The following CLEC16A variants were observed in gnomAD, a reference collection of about 807,000 sequenced individuals.
The protein encoded by CLEC16A is protein CLEC16A.
A neutral mutation model predicts 109.5 loss-of-function variants in CLEC16A; 51 were observed. The ratio of observed to expected loss-of-function variants is 0.47; its 90% confidence interval spans 0.37 to 0.59. The LOEUF is 0.59. Among genes scored for constraint, CLEC16A ranks in the 20% least tolerant of loss-of-function variants. CLEC16A has a pLI of 0.00. For synonymous variants in CLEC16A, 673 were observed against 564.2 expected, an observed-to-expected ratio of 1.19 and a Z score of -2.73; for missense variants, 1,339 against 1,394.0, an observed-to-expected ratio of 0.96 and a Z score of 0.63.
At chr16:10,999,837 CTTAT>C (rs1166964706) in intron 10 of CLEC16A, among the ~76,000 whole-genome samples, 1 of 151,916 alleles carries the variant, frequency 6.6e-6, no homozygotes, top group Non-Finnish European at 1.5e-5. Context: ...AACTTTATTA[CTTAT>C]TTATTTATTT....
intron 19 of CLEC16A, among the ~76,000 whole-genome samples, chr16:11,081,995 G>A (rs1165387692): frequency 6.6e-6 from 1 of 152,162 alleles, no homozygotes; most frequent in African/African-American, 2.4e-5. Flanking sequence ...TGGCACTACT[G>A]CACTCCAGCC....
At chr16:11,024,604 CTG>C (rs1212961826) in intron 12 of CLEC16A, 3 of 481,468 alleles carry the variant, frequency 6.2e-6, no homozygotes, top group African/African-American at 5.8e-5. Flanking sequence ...AGCAAGCAGT[CTG>C]TTCCTTGGTC....
At chr16:11,176,342 GC>G (rs1157540431) in intron 23 of CLEC16A, among the ~76,000 whole-genome samples, 1 of 152,214 alleles carries the variant, frequency 6.6e-6, no homozygotes, top group African/African-American at 2.4e-5. Flanking sequence ...GTTCACCGAT[GC>G]CCATTGCCAC....
chr16:11,161,706 C>G (rs2054727127), intron 22 of CLEC16A, among the ~76,000 whole-genome samples: 1 of 152,218 alleles, frequency 6.6e-6, no homozygotes, highest in South Asian at 2.1e-4. Flanking sequence ...AGGGACCCAG[C>G]TCTGCTCATC....
intron 14 of CLEC16A, 33 bp downstream of exon 14, chr16:11,039,909 C>A: frequency 1.9e-6 from 3 of 1,605,360 alleles, no homozygotes; most frequent in South Asian, 1.1e-5. Flanking sequence ...GTCCACAGGG[C>A]CACGCAGTTG....
chr16:10,948,042 C>G (rs536655831), intron 1 of CLEC16A, among the ~76,000 whole-genome samples: 2 of 151,946 alleles, frequency 1.3e-5, no homozygotes, highest in Non-Finnish European at 2.9e-5. Context: ...TACAGGCGCC[C>G]GCCACCACGC....
chr16:11,102,998 T>C (rs1044765646), intron 19 of CLEC16A, among the ~76,000 whole-genome samples: 7 of 152,198 alleles, frequency 4.6e-5, no homozygotes. Context: ...TCACTGTGCC[T>C]TCACCACAAG....
At chr16:11,050,723 C>T (rs2047893998) in intron 17 of CLEC16A, among the ~76,000 whole-genome samples, 1 of 152,228 alleles carries the variant, frequency 6.6e-6, no homozygotes, top group South Asian at 2.1e-4. Flanking sequence ...ATGCGCCTTT[C>T]CTCCTCTGAG....
At chr16:10,951,421 A>T (rs6498138) in intron 1 of CLEC16A, among the ~76,000 whole-genome samples, 34,713 of 152,084 alleles carry the variant, frequency 0.23, 4,988 homozygotes, top group African/African-American at 0.41. Flanking sequence ...TTAGGCATTC[A>T]TAACCTCATG....
chr16:11,092,679 T>A (rs2050381599), intron 19 of CLEC16A, among the ~76,000 whole-genome samples: 1 of 152,230 alleles, frequency 6.6e-6, no homozygotes, highest in African/African-American at 2.4e-5. Context: ...TTTGGTTCCT[T>A]CCTTCCTTTT....
At chr16:11,002,132 C>T (rs761637179) in intron 10 of CLEC16A, among the ~76,000 whole-genome samples, 2 of 152,154 alleles carry the variant, frequency 1.3e-5, no homozygotes, top group African/African-American at 2.4e-5. Context: ...TGTGTGACCT[C>T]GGGCAGATCC....
rs1032261258 is a variant in CLEC16A, at chr16:11,181,357, G to A, written c.*2667G>A. ...GGGGGCTGTGGCTTCTGACACTCAG[G>A]TCATAGCCTCAGAGGTCTGAGGTCA... On this transcript the variant is annotated 3_prime_UTR_variant, in exon 24 of 24. Coordinates refer to ENST00000409790, the MANE Select transcript of CLEC16A (RefSeq NM_015226.3). The A allele has an allele frequency of 6.6e-6, 1 of 152,384 alleles. No individual in the cohort carries two copies. The highest frequency in any genetic ancestry group is 2.4e-5 in the African/African-American group (1 of 41,462). 9.4% of individuals were successfully genotyped at this position (152,384 alleles called of 1,614,324 possible).
chr16:11,060,207 G>A (rs1306318590), intron 18 of CLEC16A, among the ~76,000 whole-genome samples: 1 of 152,168 alleles, frequency 6.6e-6, no homozygotes, highest in Non-Finnish European at 1.5e-5. Flanking sequence ...CTGCTGGCAG[G>A]GAAAGCCTGA....
At position 11,113,200 on chromosome 16, in the gene CLEC16A, G is replaced by A. The variant is rs79509257; in HGVS notation, c.2117-7415G>A. On this transcript the variant is annotated intron_variant, in intron 19 of 23. Transcript: ENST00000409790. The stretch of plus-strand genomic sequence containing the variant: ...CTCAGTGATTGTCTATCATCTGCAT[G>A]ATCAGGCAGAGCCCGGCTGGCCAGC... Among the ~76,000 whole-genome samples, 329 of 152,346 alleles carry A rather than the reference G, an allele frequency of 2.2e-3. 1 individual carries two copies. Among genetic ancestry groups the A allele is most frequent in the Non-Finnish European group, 4.1e-3 (281 of 68,034 alleles).
At chr16:11,057,723 C>G (rs532675072) in intron 18 of CLEC16A, among the ~76,000 whole-genome samples, 1 of 152,288 alleles carries the variant, frequency 6.6e-6, no homozygotes, top group Non-Finnish European at 1.5e-5. Flanking sequence ...AAATTTGCGT[C>G]TTTATTTAGC....
intron 21 of CLEC16A, 25 bp downstream of exon 21, chr16:11,123,971 C>A (rs1252239599): frequency 1.3e-6 from 2 of 1,569,458 alleles, no homozygotes; most frequent in African/African-American, 2.7e-5. Flanking sequence ...CCTGGCAGGG[C>A]ATCCTCTGAG....
At position 10,954,492 on chromosome 16, in the gene CLEC16A, C is replaced by T. The variant is rs750450624; in HGVS notation, c.81-3290C>T. 6.6e-6 allele frequency among the ~76,000 whole-genome samples: 1 copy of T among 152,098 alleles called. No homozygotes were observed. The highest frequency in any genetic ancestry group is 1.5e-5 in the Non-Finnish European group (1 of 68,022). The stretch of plus-strand genomic sequence containing the variant: ...CACTTGTATCATACATAGTAACTGC[C>T]AAGTTAGTTATCTGTTATCTCCCAA... On this transcript the variant is annotated intron_variant, in intron 1 of 23. Coordinates refer to ENST00000409790, the MANE Select transcript of CLEC16A (RefSeq NM_015226.3). The surrounding 1 kb of genome is among the most constrained non-coding windows in gnomAD (Gnocchi z 4.2).
intron 22 of CLEC16A, among the ~76,000 whole-genome samples, chr16:11,133,724 T>A (rs557820015): frequency 6.6e-6 from 1 of 152,308 alleles, no homozygotes; most frequent in East Asian, 1.9e-4. Flanking sequence ...GTCCTCTTAT[T>A]TTTCTTGTTT....
intron 17 of CLEC16A, chr16:11,047,834 AC>A (rs1315120207): frequency 6.6e-6 from 1 of 152,286 alleles, no homozygotes; most frequent in African/African-American, 2.4e-5. Flanking sequence ...CAGGAAACTT[AC>A]GATCATGGTG....
Sources: gnomAD v4.1 joint callset for allele counts (sites outside exome capture counted in the v4.1 genomes callset) on GRCh38, gnomAD v4.1.1 for gene constraint, Gnocchi (gnomAD v3.1) non-coding constraint, MANE v1.5 for transcripts, NCBI Gene and HGNC (gene_info 2026-07-23, HGNC 2026-07-21) for gene names.